The following SLC35F3 variants were observed in gnomAD, a reference collection of about 807,000 sequenced individuals.
The protein encoded by SLC35F3 is solute carrier family 35 member F3.
Under a neutral mutation model 49.9 loss-of-function variants are expected in SLC35F3, and 25 were observed. That is an observed-to-expected ratio of 0.50 (90% CI 0.37 to 0.70). SLC35F3 has a LOEUF of 0.70. SLC35F3 is among the 30% of genes least tolerant of loss of function. SLC35F3 has a pLI of 0.00. For synonymous variants in SLC35F3, 275 were observed against 265.4 expected, an observed-to-expected ratio of 1.04 and a Z score of -0.35; for missense variants, 525 against 639.8, an observed-to-expected ratio of 0.82 and a Z score of 1.94.
chr1:234,165,761 A>G (rs905650099), intron 2 of SLC35F3, among the ~76,000 whole-genome samples: 3 of 151,932 alleles, frequency 2.0e-5, no homozygotes, highest in East Asian at 3.9e-4. Context: ...GGTTACATGG[A>G]TGAAATTTGT....
At chr1:234,082,421 A>G (rs1664892286) in intron 2 of SLC35F3, among the ~76,000 whole-genome samples, 1 of 152,208 alleles carries the variant, frequency 6.6e-6, no homozygotes, top group African/African-American at 2.4e-5. Context: ...TAGACAGAGC[A>G]GTGTGATAAA....
At chr1:234,185,266 C>G (rs762977356) in intron 2 of SLC35F3, among the ~76,000 whole-genome samples, 3 of 152,082 alleles carry the variant, frequency 2.0e-5, no homozygotes, top group Non-Finnish European at 2.9e-5. Flanking sequence ...GGAGGCAAAA[C>G]CATCACCAGA....
chr1:234,301,974 G>T (rs114841331), intron 3 of SLC35F3, among the ~76,000 whole-genome samples: 1 of 152,114 alleles, frequency 6.6e-6, no homozygotes, highest in Non-Finnish European at 1.5e-5. Context: ...TCACTCATAA[G>T]TGGGATTTGA....
At chr1:234,216,900 C>T (rs867665253) in intron 2 of SLC35F3, among the ~76,000 whole-genome samples, 4 of 152,178 alleles carry the variant, frequency 2.6e-5, no homozygotes, top group Non-Finnish European at 4.4e-5. Context: ...TTCTGCCCCT[C>T]GGGGCCTCAT....
intron 2 of SLC35F3, among the ~76,000 whole-genome samples, chr1:234,007,617 C>A (rs887063507): frequency 2.0e-5 from 3 of 152,182 alleles, no homozygotes; most frequent in Non-Finnish European, 4.4e-5. Context: ...ATTAAGTTTC[C>A]TTTGCTTCCT....
intron 2 of SLC35F3, among the ~76,000 whole-genome samples, chr1:234,076,454 C>T (rs879509848): frequency 6.0e-5 from 9 of 150,012 alleles, no homozygotes; most frequent in Admixed American, 1.3e-4. Context: ...TAATAATAAT[C>T]ATCATAATAA....
intron 2 of SLC35F3, among the ~76,000 whole-genome samples, chr1:234,103,946 G>A (rs982235701): frequency 3.9e-5 from 6 of 152,180 alleles, no homozygotes; most frequent in African/African-American, 7.2e-5. Context: ...ATTCCAAATA[G>A]AGAAGTTCCA....
intron 2 of SLC35F3, among the ~76,000 whole-genome samples, chr1:234,010,189 A>C (rs1283329037): frequency 2.0e-5 from 3 of 152,228 alleles, no homozygotes; most frequent in Admixed American, 1.3e-4. Flanking sequence ...TACAGATTAC[A>C]AAATGATGAA....
chr1:234,106,448 G>A (rs1665285795), intron 2 of SLC35F3, among the ~76,000 whole-genome samples: 1 of 152,236 alleles, frequency 6.6e-6, no homozygotes, highest in East Asian at 1.9e-4. Context: ...GGAAGACCAA[G>A]ATCAGGGTGC....
At chr1:234,268,203 G>A (rs370902052) in intron 3 of SLC35F3, among the ~76,000 whole-genome samples, 9 of 152,294 alleles carry the variant, frequency 5.9e-5, no homozygotes, top group East Asian at 1.9e-4. Context: ...CTGCAATCCC[G>A]GCACCTCGGG....
At chr1:234,321,444 C>T (rs1342973506) in intron 7 of SLC35F3, among the ~76,000 whole-genome samples, 10 of 152,198 alleles carry the variant, frequency 6.6e-5, no homozygotes, top group Non-Finnish European at 1.5e-4. Context: ...GCAGAAAGCA[C>T]CTGAGCTCCT....
chr1:234,051,439 TTGTC>T (rs1473005909), intron 2 of SLC35F3, among the ~76,000 whole-genome samples: 10 of 151,652 alleles, frequency 6.6e-5, no homozygotes, highest in African/African-American at 2.4e-4. Flanking sequence ...GGCTCTCTGT[TTGTC>T]TGTTATTGGT....
At chr1:234,062,436 A>G (rs193276905) in intron 2 of SLC35F3, among the ~76,000 whole-genome samples, 6 of 152,294 alleles carry the variant, frequency 3.9e-5, no homozygotes, top group Admixed American at 2.6e-4. Context: ...GCTCTTTTGA[A>G]TAGTTTTCAG....
chr1:234,175,847 C>G (rs1666468967), intron 2 of SLC35F3, among the ~76,000 whole-genome samples: 1 of 152,104 alleles, frequency 6.6e-6, no homozygotes, highest in Non-Finnish European at 1.5e-5. Flanking sequence ...GTAGGATGGC[C>G]AGGTCAGTGT....
chr1:233,954,640 G>T (rs1662665332), intron 2 of SLC35F3, among the ~76,000 whole-genome samples: 1 of 152,064 alleles, frequency 6.6e-6, no homozygotes, highest in Admixed American at 6.5e-5. Context: ...TAAATAAAAG[G>T]GCAAAGCCTC....
intron 3 of SLC35F3, among the ~76,000 whole-genome samples, chr1:234,255,318 T>C (rs756053482): frequency 2.0e-5 from 3 of 152,188 alleles, no homozygotes; most frequent in Non-Finnish European, 2.9e-5. Context: ...ACACACCTAT[T>C]AAAATAGCCA....
intron 2 of SLC35F3, among the ~76,000 whole-genome samples, chr1:234,106,283 T>G (rs1461041175): frequency 6.6e-6 from 1 of 152,234 alleles, no homozygotes; most frequent in Non-Finnish European, 1.5e-5. Context: ...TGGGGACTTC[T>G]GGGAAGGATT....
intron 2 of SLC35F3, among the ~76,000 whole-genome samples, chr1:234,042,515 G>A (rs2102853778): frequency 6.6e-6 from 1 of 152,106 alleles, no homozygotes; most frequent in Middle Eastern, 3.4e-3. Context: ...TCCCCAAGCG[G>A]AAACAAATTC....
chr1:233,908,289 CTG>C (rs1440646358), intron 2 of SLC35F3, among the ~76,000 whole-genome samples: 3 of 151,898 alleles, frequency 2.0e-5, no homozygotes, highest in Non-Finnish European at 4.4e-5. Context: ...AGTGATTTAT[CTG>C]TGTCCTAACT....
Sources: allele counts gnomAD v4.1 joint callset (sites outside exome capture counted in the v4.1 genomes callset), GRCh38; gene constraint gnomAD v4.1.1; transcripts MANE v1.5; gene names NCBI Gene and HGNC (gene_info 2026-07-23, HGNC 2026-07-21).